BRWD3: variants seen among roughly 807,000 people sequenced by gnomAD.
BRWD3 encodes bromodomain and WD repeat domain containing 3, also known as bromodomain and WD repeat-containing protein 3.
Under a neutral mutation model 149.7 loss-of-function variants are expected in BRWD3, and 10 were observed. That is an observed-to-expected ratio of 0.07 (90% CI 0.04 to 0.11). The LOEUF is 0.11. Ranked by LOEUF, BRWD3 falls within the 10% of genes least tolerant of loss-of-function variation. The pLI is 1.00. For missense variants in BRWD3, 940 were observed against 1,373.2 expected (o/e 0.68, Z 4.99); for synonymous variants, 504 against 456.7 (o/e 1.10, Z -1.32).
chrX:80,718,074 T>C (rs55934435), intron 18 of BRWD3, among the ~76,000 whole-genome samples: 7,231 of 111,623 alleles, frequency 0.065, 268 homozygotes, highest in Middle Eastern at 0.12. Context: ...TTACAAATGT[T>C]TATTAGTACT....
rs554615479 is a variant in BRWD3, at chrX:80,788,085, AAAATAAATAAATAAATAAATAAATAAAT to A, written c.430+3741_430+3768del. On this transcript the variant is annotated intron_variant, in intron 6 of 40. Transcript: ENST00000373275. ...GGTGACAGAGCGAGACTCTGTCTCA[AAAATAAATAAATAAATAAATAAATAAAT>A]AAATAAATAAATAAATAAATAAAGA... Among the ~76,000 whole-genome samples the A allele has an allele frequency of 6.8e-5, 6 of 88,257 alleles. No homozygotes were observed. In the Admixed American group the frequency reaches 7.9e-4, roughly 12 times the overall value. The allele number at this position is 88,257 out of a possible 115,157, so 76.6% of individuals were successfully genotyped here.
chrX:80,803,604 A>G (rs896623248), intron 4 of BRWD3, among the ~76,000 whole-genome samples: 1 of 111,953 alleles, frequency 8.9e-6, no homozygotes, highest in African/African-American at 3.2e-5. Context: ...ATTTCCAGAT[A>G]TTGACCTCTC....
chrX:80,678,687 C>G (rs2072402285), intron 40 of BRWD3, among the ~76,000 whole-genome samples: 1 of 110,914 alleles, frequency 9.0e-6, no homozygotes, highest in Admixed American at 9.6e-5. Context: ...GAAGAACCAA[C>G]AAAGAAAATG....
Position 80,689,750 on chromosome X carries a change from T to C in BRWD3, c.3807+18A>G, listed in dbSNP as rs1291981044. The C allele has an allele frequency of 6.9e-6, 8 of 1,160,967 alleles. No individual in the cohort carries two copies. Among genetic ancestry groups the C allele is most frequent in the Non-Finnish European group, 9.4e-6 (8 of 852,842 alleles). Reference sequence around the variant, plus strand: ...GAGAAAAGTAACTCATTCCTACTAATCATGCTGTGATTCTTACCTCCTCTG... The same window carrying C: ...GAGAAAAGTAACTCATTCCTACTAACCATGCTGTGATTCTTACCTCCTCTG... On this transcript the variant is annotated intron_variant, in intron 33 of 40. Coordinates refer to ENST00000373275, the MANE Select transcript of BRWD3 (RefSeq NM_153252.5).
At chrX:80,697,882 A>G (rs1457916270) in intron 25 of BRWD3, among the ~76,000 whole-genome samples, 4 of 112,393 alleles carry the variant, frequency 3.6e-5, no homozygotes, top group Non-Finnish European at 7.5e-5. Context: ...AGAAATCTCC[A>G]GATTGCTTTC....
chrX:80,777,618 C>T (rs1354051876), intron 6 of BRWD3, among the ~76,000 whole-genome samples: 2 of 110,512 alleles, frequency 1.8e-5, no homozygotes, highest in African/African-American at 6.6e-5. Context: ...AGGCTAGTCT[C>T]GAACTCCTGG....
chrX:80,790,202 A>AG (rs2074165431), intron 6 of BRWD3, among the ~76,000 whole-genome samples: 2 of 107,023 alleles, frequency 1.9e-5, no homozygotes, highest in African/African-American at 6.8e-5. Flanking sequence ...TCAAAAAAAA[A>AG]AAAAAAAAAA....
chrX:80,757,628 G>T (rs766813864), intron 6 of BRWD3, among the ~76,000 whole-genome samples: 1 of 111,905 alleles, frequency 8.9e-6, no homozygotes, highest in Non-Finnish European at 1.9e-5. Flanking sequence ...AGAATCCATT[G>T]TCTCTTAGAT....
In BRWD3 at chrX:80,752,675, T is replaced by C. The variant is rs372762145; in HGVS notation, c.431-6946A>G. On this transcript the variant is annotated intron_variant, in intron 6 of 40. Transcript: ENST00000373275. ...TAGTGATGTTGAGCATTTTTTCTTT[T>C]TCTTTCTTTCTTGAGATGAAGTCTT... Among the ~76,000 whole-genome samples, 16 of 111,981 alleles carry C rather than the reference T, an allele frequency of 1.4e-4. 1 individual carries two copies. The East Asian group carries it at 2.5e-3, about 18-fold the overall frequency.
chrX:80,756,093 T>C (rs1054857655), intron 6 of BRWD3, among the ~76,000 whole-genome samples: 4 of 112,076 alleles, frequency 3.6e-5, no homozygotes, highest in Admixed American at 2.9e-4. Flanking sequence ...AGGTATGACA[T>C]ATATCATTAA....
intron 22 of BRWD3, among the ~76,000 whole-genome samples, chrX:80,706,191 C>T (rs1360857737): frequency 9.0e-6 from 1 of 110,546 alleles, no homozygotes; most frequent in Non-Finnish European, 1.9e-5. Context: ...TCACTGCAAT[C>T]TCTGCCTTCT....
At chrX:80,760,419 A>G (rs1366427997) in intron 6 of BRWD3, among the ~76,000 whole-genome samples, 1 of 111,910 alleles carries the variant, frequency 8.9e-6, no homozygotes, top group Non-Finnish European at 1.9e-5. Context: ...CAATTCAAAT[A>G]AAGGTTCTCC....
intron 6 of BRWD3, among the ~76,000 whole-genome samples, chrX:80,752,206 GTC>G (rs1379819962): frequency 9.2e-6 from 1 of 108,769 alleles, no homozygotes; most frequent in Admixed American, 9.9e-5. Flanking sequence ...TAGAGATGGG[GTC>G]TCTCTATGTT....
intron 6 of BRWD3, among the ~76,000 whole-genome samples, chrX:80,791,140 A>T (rs936347649): frequency 8.9e-6 from 1 of 112,218 alleles, no homozygotes; most frequent in African/African-American, 3.2e-5. Flanking sequence ...TATTCCTTTT[A>T]AAAAAGTATT....
At position 80,727,058 on chromosome X, in the gene BRWD3, T is replaced by C. The variant is rs368599090; in HGVS notation, c.1386+1694A>G. On this transcript the variant is annotated intron_variant, in intron 14 of 40. Transcript: ENST00000373275. ...GGGTCACATGCCTTAGGAGAGTACA[T>C]AGTTACTAGATCATGGGGAACAAGA... Among the ~76,000 whole-genome samples, 9 of 109,509 alleles carry C rather than the reference T, an allele frequency of 8.2e-5. No individual in the cohort carries two copies. The East Asian group carries it at 1.4e-3, about 18-fold the overall frequency.
At chrX:80,769,840 G>A (rs1474521849) in intron 6 of BRWD3, among the ~76,000 whole-genome samples, 8 of 109,704 alleles carry the variant, frequency 7.3e-5, no homozygotes, top group Non-Finnish European at 1.5e-4. Context: ...CAACAAAACC[G>A]ATAGACCACT....
chrX:80,754,398 G>A (rs1400276572), intron 6 of BRWD3, among the ~76,000 whole-genome samples: 2 of 111,947 alleles, frequency 1.8e-5, no homozygotes, highest in Admixed American at 1.9e-4. Context: ...AAATCTAGGA[G>A]TCCTTTGGAG....
intron 8 of BRWD3, among the ~76,000 whole-genome samples, chrX:80,739,674 G>A (rs1281822325): frequency 2.7e-5 from 3 of 111,799 alleles, no homozygotes; most frequent in African/African-American, 9.7e-5. Context: ...AAGACCTCCA[G>A]TGGATGCCTG....
At position 80,719,937 on chromosome X, in the gene BRWD3, A is replaced by G. The variant is rs1168121419; in HGVS notation, c.1877-281T>C. Among the ~76,000 whole-genome samples the G allele has an allele frequency of 2.7e-5, 3 of 111,493 alleles. No individual in the cohort carries two copies. In the East Asian group the frequency reaches 8.4e-4, roughly 31 times the overall value. On this transcript the variant is annotated intron_variant, in intron 17 of 40. Transcript: ENST00000373275. ...GACATTTCAGTCAAAGATAAACCAC[A>G]TATACGACGGTAGTCTCATAAGATC...
Sources: allele counts gnomAD v4.1 joint callset (sites outside exome capture counted in the v4.1 genomes callset), GRCh38; gene constraint gnomAD v4.1.1; transcripts MANE v1.5; gene names NCBI Gene and HGNC (gene_info 2026-07-23, HGNC 2026-07-21).